The following SLC35F1 variants were observed in gnomAD, a reference collection of about 807,000 sequenced individuals.
SLC35F1 encodes solute carrier family 35 member F1, also known as chromosome 6 open reading frame 169.
A neutral mutation model predicts 48.7 loss-of-function variants in SLC35F1; 14 were observed. The observed-to-expected ratio is 0.29, with a 90% confidence interval of 0.19 to 0.45. The LOEUF (loss-of-function observed/expected upper bound fraction) is 0.45. Among genes scored for constraint, SLC35F1 ranks in the 20% least tolerant of loss-of-function variants. The pLI, the probability that SLC35F1 is intolerant of heterozygous loss-of-function variation, is 1.00. For synonymous variants in SLC35F1, 190 were observed against 202.2 expected (o/e 0.94, Z 0.51); for missense variants, 404 against 500.0 (o/e 0.81, Z 1.83).
chr6:118,044,463 G>T (rs148753841), intron 1 of SLC35F1, among the ~76,000 whole-genome samples: 100 of 152,130 alleles, frequency 6.6e-4, no homozygotes, highest in African/African-American at 2.4e-3. Context: ...CTTCACTTTG[G>T]GTGGAGTTGC....
intron 1 of SLC35F1, among the ~76,000 whole-genome samples, chr6:117,916,076 G>T (rs1775822601): frequency 6.6e-6 from 1 of 152,236 alleles, no homozygotes; most frequent in Non-Finnish European, 1.5e-5. Flanking sequence ...GCTAGAGGCT[G>T]CTGGGAGGAC....
rs115543477 is a variant in SLC35F1 at position 118,251,237 on chromosome 6, G to A, written c.477+15601G>A. Among the ~76,000 whole-genome samples the A allele has an allele frequency of 3.4e-3, 511 of 152,200 alleles. 1 individual carries two copies. The highest frequency in any genetic ancestry group is 0.011 in the African/African-American group (474 of 41,534). On this transcript the variant is annotated intron_variant, in intron 3 of 7. Transcript: ENST00000360388. ...CCAGGTGCACTTCAGCCTGGGTGAC[G>A]GAGTGAATAAATGAGTCAAGAAAGA...
intron 7 of SLC35F1, among the ~76,000 whole-genome samples, chr6:118,286,392 C>T (rs1374609575): frequency 2.0e-5 from 3 of 152,046 alleles, no homozygotes; most frequent in Admixed American, 6.6e-5. Context: ...CTAAAAAGAG[C>T]ATGTACTTGA....
chr6:118,074,823 T>C (rs1772793864), intron 1 of SLC35F1, among the ~76,000 whole-genome samples: 1 of 152,184 alleles, frequency 6.6e-6, no homozygotes, highest in Non-Finnish European at 1.5e-5. Flanking sequence ...AATGTATTTC[T>C]TGTAGAGATG....
chr6:118,036,993 T>G (rs567907086), intron 1 of SLC35F1, among the ~76,000 whole-genome samples: 114 of 152,226 alleles, frequency 7.5e-4, no homozygotes, highest in Non-Finnish European at 1.4e-3. Flanking sequence ...GAGGGTCTAT[T>G]ATCAAACACA....
At chr6:118,031,711 C>G in intron 1 of SLC35F1, among the ~76,000 whole-genome samples, 1 of 152,224 alleles carries the variant, frequency 6.6e-6, no homozygotes, top group Middle Eastern at 3.4e-3. Flanking sequence ...GAGTGTGCTG[C>G]GAGTAGCAGC....
intron 1 of SLC35F1, among the ~76,000 whole-genome samples, chr6:117,978,759 C>G (rs1014960971): frequency 6.6e-6 from 1 of 152,178 alleles, no homozygotes; most frequent in Non-Finnish European, 1.5e-5. Flanking sequence ...AATAAAAATA[C>G]AGGACACCCA....
chr6:117,971,684 C>T (rs143489655), intron 1 of SLC35F1, among the ~76,000 whole-genome samples: 1 of 152,372 alleles, frequency 6.6e-6, no homozygotes, highest in Non-Finnish European at 1.5e-5. Context: ...GGCCCAATGC[C>T]ACATGTAAAC....
At chr6:117,956,023 G>A (rs1316160006) in intron 1 of SLC35F1, among the ~76,000 whole-genome samples, 1 of 152,222 alleles carries the variant, frequency 6.6e-6, no homozygotes, top group African/African-American at 2.4e-5. Context: ...CCAGCTAGCT[G>A]TGCTCTGGCT....
intron 2 of SLC35F1, among the ~76,000 whole-genome samples, chr6:118,199,562 T>C (rs1774846055): frequency 1.3e-5 from 2 of 152,218 alleles, no homozygotes; most frequent in Admixed American, 1.3e-4. Context: ...CATTAATTAA[T>C]GAAGAAACTA....
rs377592182 is a variant in SLC35F1, at chr6:118,297,653, A to ATATT, written c.1002+12315_1002+12316insTATT. On this transcript the variant is annotated intron_variant, in intron 7 of 7. Transcript: ENST00000360388. ...ATATATATATAAAAAATATATATAT[A>ATATT]ATATATATAATATTATATAAGTTCT... is the stretch of plus-strand genomic sequence containing the variant. Among the ~76,000 whole-genome samples, 588 of 120,592 alleles carry ATATT rather than the reference A, an allele frequency of 4.9e-3. 18 individuals are homozygous for ATATT. Among genetic ancestry groups the ATATT allele is most frequent in the African/African-American group, 0.02 (564 of 28,182 alleles). 79.1% of individuals were successfully genotyped at this position (120,592 alleles called of 152,430 possible). A position where few individuals can be genotyped will look rare whatever the true frequency, so the allele number is the denominator to read the frequency against.
At position 118,159,308 on chromosome 6, in the gene SLC35F1, C is replaced by T. The variant is rs547247261; in HGVS notation, c.349+4688C>T. On this transcript the variant is annotated intron_variant, in intron 2 of 7. Transcript: ENST00000360388. ...CAACTTTGTAGAAAGAAATGTACTC[C>T]ACCAAAGTAGTTTTGTTGACATTGT... Among the ~76,000 whole-genome samples the T allele has an allele frequency of 1.2e-4, 18 of 151,278 alleles. No homozygotes were observed. The South Asian group carries it at 2.7e-3, about 23-fold the overall frequency.
At chr6:118,061,572 TTG>T (rs71012378) in intron 1 of SLC35F1, among the ~76,000 whole-genome samples, 5,845 of 146,768 alleles carry the variant, frequency 0.04, 195 homozygotes, top group African/African-American at 0.081. Context: ...ATATATACAT[TTG>T]TGTGTGTGTG....
intron 2 of SLC35F1, among the ~76,000 whole-genome samples, chr6:118,169,816 T>C (rs1774374735): frequency 6.6e-6 from 1 of 152,188 alleles, no homozygotes; most frequent in Non-Finnish European, 1.5e-5. Flanking sequence ...TCCATTTCTA[T>C]TGAAATCAAA....
At chr6:118,107,171 T>C (rs533424399) in intron 1 of SLC35F1, among the ~76,000 whole-genome samples, 4 of 152,302 alleles carry the variant, frequency 2.6e-5, no homozygotes, top group Non-Finnish European at 5.9e-5. Flanking sequence ...AGAAATGTTG[T>C]TTAAATGAAT....
At chr6:118,057,266 T>C (rs903480655) in intron 1 of SLC35F1, among the ~76,000 whole-genome samples, 13 of 152,176 alleles carry the variant, frequency 8.5e-5, no homozygotes, top group African/African-American at 2.4e-5. Flanking sequence ...TAACTTGCCA[T>C]TCAAAGGCTT....
intron 1 of SLC35F1, among the ~76,000 whole-genome samples, chr6:118,049,767 G>A (rs35857237): frequency 0.18 from 26,662 of 151,648 alleles, 2,563 homozygotes; most frequent in Admixed American, 0.28. Flanking sequence ...ACTGTTGGTG[G>A]GACTGTAAAC....
intron 1 of SLC35F1, among the ~76,000 whole-genome samples, chr6:118,085,834 T>A (rs987617295): frequency 6.6e-6 from 1 of 152,136 alleles, no homozygotes; most frequent in Non-Finnish European, 1.5e-5. Context: ...ATGGATGGAT[T>A]TGGGGCCTAA....
chr6:118,170,335 A>C (rs1774384366), intron 2 of SLC35F1, among the ~76,000 whole-genome samples: 1 of 152,234 alleles, frequency 6.6e-6, no homozygotes, highest in East Asian at 1.9e-4. Context: ...ATAACATGCT[A>C]ATATGTCCAC....
Sources: allele counts gnomAD v4.1 joint callset (sites outside exome capture counted in the v4.1 genomes callset), GRCh38; gene constraint gnomAD v4.1.1; transcripts MANE v1.5; gene names NCBI Gene and HGNC (gene_info 2026-07-23, HGNC 2026-07-21).